The following THADA variants were observed in gnomAD, a reference collection of about 807,000 sequenced individuals.
THADA encodes the protein THADA armadillo repeat containing, also known as tRNA (32-2'-O)-methyltransferase regulator THADA.
In THADA, 213 loss-of-function variants were observed where a neutral mutation model predicts 219.8. The observed-to-expected ratio is 0.97, with a 90% CI of 0.87 to 1.09. The LOEUF is 1.09. Among genes scored for constraint, THADA ranks in the 50% least tolerant of loss-of-function variants. The pLI, the probability that THADA is intolerant of heterozygous loss-of-function variation, is 0.00. For synonymous variants in THADA, 1,018 were observed against 828.9 expected (o/e 1.23, Z -3.92); for missense variants, 2,956 against 2,311.3 (o/e 1.28, Z -5.72).
At chr2:43,330,571 G>T (rs771743305) in intron 30 of THADA, among the ~76,000 whole-genome samples, 1 of 152,200 alleles carries the variant, frequency 6.6e-6, no homozygotes, top group Non-Finnish European at 1.5e-5. Context: ...CGTCAGTTAC[G>T]GACTTCAGTT....
intron 28 of THADA, among the ~76,000 whole-genome samples, chr2:43,422,454 G>T (rs955433465): frequency 6.6e-6 from 1 of 152,114 alleles, no homozygotes; most frequent in Non-Finnish European, 1.5e-5. Flanking sequence ...ATAATAAGGA[G>T]AATAATGTGG....
At chr2:43,286,868 G>T (rs781359020) in intron 35 of THADA, 40 bp downstream of exon 35, 3 of 1,583,054 alleles carry the variant, frequency 1.9e-6, no homozygotes, top group South Asian at 1.1e-5. Flanking sequence ...CATATTTTAA[G>T]TGAGTTTGGT....
intron 22 of THADA, among the ~76,000 whole-genome samples, chr2:43,512,694 G>A (rs374038810): frequency 6.6e-6 from 1 of 152,180 alleles, no homozygotes; most frequent in African/African-American, 2.4e-5. Flanking sequence ...TAGAGATGGG[G>A]TTTCCCCATG....
intron 30 of THADA, among the ~76,000 whole-genome samples, chr2:43,334,778 AC>A (rs1214758151): frequency 2.0e-5 from 3 of 151,660 alleles, no homozygotes; most frequent in African/African-American, 7.3e-5. Flanking sequence ...CCGTCTCAAA[AC>A]AAAAAAAAAA....
At position 43,570,464 on chromosome 2, in the gene THADA, T is replaced by C. The variant is rs1288660629; in HGVS notation, c.2111A>G (p.Glu704Gly). 1.9e-6 allele frequency: 3 copies of C among 1,613,270 alleles called. No homozygotes were observed. In the Admixed American group the frequency reaches 5.0e-5, roughly 27 times the overall value. Residue 704 changes from glutamate to glycine, a missense_variant, in exon 14 of 38, where the codon GAG becomes GGG. Coordinates refer to ENST00000405975, the MANE Select transcript of THADA (RefSeq NM_022065.5). ...TGGTTCACGTTTGGATTTACTCTGC[T>C]CCAATTTATAAAGTACCTGAGAACT... ...QESSQVLYKL[E>G]QSKSKREPEN... is the part of the protein sequence containing the mutation.
At chr2:43,384,020 A>G (rs1267307902) in intron 29 of THADA, among the ~76,000 whole-genome samples, 1 of 152,120 alleles carries the variant, frequency 6.6e-6, no homozygotes, top group African/African-American at 2.4e-5. Flanking sequence ...CCCCTACCCC[A>G]GCTTCTCTAT....
rs1402139812 is a variant in THADA, at chr2:43,306,303, C to T, written c.4439-13090G>A. ...TTGGTACTACAGGTGTGAGGTACTG[C>T]GCTCGGCCTACTTCTGGTTCTTTCG... is the stretch of plus-strand genomic sequence containing the variant. On this transcript the variant is annotated intron_variant, in intron 31 of 37. Transcript: ENST00000405975. Among the ~76,000 whole-genome samples the T allele has an allele frequency of 1.3e-5, 2 of 152,132 alleles. 1 individual carries two copies. The highest frequency in any genetic ancestry group is 2.9e-5 in the Non-Finnish European group (2 of 68,012).
chr2:43,588,965 C>T (rs1270143159), intron 4 of THADA, among the ~76,000 whole-genome samples: 23 of 151,924 alleles, frequency 1.5e-4, no homozygotes, highest in Non-Finnish European at 2.9e-5. Context: ...ATATATGGTA[C>T]ATTTAAATTT....
At chr2:43,372,752 T>C (rs1670950580) in intron 29 of THADA, among the ~76,000 whole-genome samples, 2 of 152,106 alleles carry the variant, frequency 1.3e-5, no homozygotes, top group Middle Eastern at 3.2e-3. Flanking sequence ...GTCTAATAAG[T>C]ATTTATTTAT....
chr2:43,275,654 T>C (rs567615462), intron 36 of THADA, among the ~76,000 whole-genome samples: 36 of 152,150 alleles, frequency 2.4e-4, no homozygotes, highest in Non-Finnish European at 4.3e-4. Context: ...GTGAAAGAGC[T>C]CTGCAAAAAG....
At chr2:43,252,638 G>C (rs550181170) in intron 36 of THADA, among the ~76,000 whole-genome samples, 2 of 152,104 alleles carry the variant, frequency 1.3e-5, no homozygotes, top group Admixed American at 1.3e-4. Flanking sequence ...CCACATCCTT[G>C]ACCTTGCCCT....
At chr2:43,354,815 A>AG (rs1479228636) in intron 29 of THADA, among the ~76,000 whole-genome samples, 1 of 152,094 alleles carries the variant, frequency 6.6e-6, no homozygotes, top group Non-Finnish European at 1.5e-5. Flanking sequence ...CCATGTATTG[A>AG]GGGAGGGACC....
chr2:43,572,655 G>A (rs1699424335), intron 12 of THADA, among the ~76,000 whole-genome samples, 159 bp downstream of exon 12: 1 of 152,098 alleles, frequency 6.6e-6, no homozygotes, highest in African/African-American at 2.4e-5. Flanking sequence ...CTTGAAGAAA[G>A]GGCCTACTGA....
intron 36 of THADA, among the ~76,000 whole-genome samples, chr2:43,270,329 C>G (rs975981274): frequency 6.6e-6 from 1 of 152,190 alleles, no homozygotes; most frequent in African/African-American, 2.4e-5. Context: ...AGAACAGGAA[C>G]AGCAGCAGCC....
chr2:43,526,481 T>A (rs1693180356), intron 22 of THADA, among the ~76,000 whole-genome samples: 1 of 152,220 alleles, frequency 6.6e-6, no homozygotes, highest in Non-Finnish European at 1.5e-5. Flanking sequence ...TTCTTTCAAC[T>A]CATGCATTAG....
chr2:43,423,784 G>C (rs1281993070), intron 28 of THADA, among the ~76,000 whole-genome samples: 1 of 152,076 alleles, frequency 6.6e-6, no homozygotes, highest in Non-Finnish European at 1.5e-5. Context: ...CTCTTTGACT[G>C]GAACTTGAAA....
intron 28 of THADA, among the ~76,000 whole-genome samples, chr2:43,418,427 C>T (rs1294792468): frequency 6.6e-6 from 1 of 151,896 alleles, no homozygotes; most frequent in African/African-American, 2.4e-5. Context: ...AACCTCTGTG[C>T]CACCCTGAGT....
chr2:43,518,071 C>T (rs140429431), intron 22 of THADA, among the ~76,000 whole-genome samples: 176 of 152,292 alleles, frequency 1.2e-3, no homozygotes, highest in African/African-American at 3.7e-3. Flanking sequence ...TAAAAACACA[C>T]ACTGCTAGCA....
Position 43,485,260 on chromosome 2 carries a change from TG to T in THADA, c.3809del (p.Ala1270GlufsTer11). On this transcript the variant is annotated frameshift_variant, in exon 26 of 38. Transcript: ENST00000405975. LOFTEE classifies it high-confidence loss of function. Reference sequence around the variant, plus strand: ...TATTTGTTTTGGAATGTTCATCCTTTGCCCTTTTAACTCCAAAAATTCTTGT... The same window carrying T: ...TATTTGTTTTGGAATGTTCATCCTTTCCCTTTTAACTCCAAAAATTCTTGT... Reference protein sequence around the residue: ...LITRIFGVKRAKDEHSKTNRM... With the variant: ...LITRIFGVKRXKDEHSKTNRM... The T allele has an allele frequency of 2.5e-6, 4 of 1,613,034 alleles. No individual in the cohort carries two copies. The highest frequency in any genetic ancestry group is 3.4e-6 in the Non-Finnish European group (4 of 1,179,310).
Sources: allele counts gnomAD v4.1 joint callset (sites outside exome capture counted in the v4.1 genomes callset), GRCh38; gene constraint gnomAD v4.1.1; transcripts MANE v1.5; gene names NCBI Gene and HGNC (gene_info 2026-07-23, HGNC 2026-07-21).